The following KLF12 variants were observed in gnomAD, a reference collection of about 807,000 sequenced individuals.
KLF12 encodes KLF transcription factor 12, also known as Krueppel-like factor 12.
KLF12 carries 9 observed loss-of-function variants against 37.8 expected under a neutral mutation model. That is an observed-to-expected ratio of 0.24 (90% CI 0.14 to 0.42). The LOEUF (loss-of-function observed/expected upper bound fraction) is 0.42. Ranked by LOEUF, KLF12 falls within the 10% of genes least tolerant of loss-of-function variation. KLF12 has a pLI of 1.00. For missense variants in KLF12, 411 were observed against 516.0 expected (o/e 0.80, Z 1.97); for synonymous variants, 208 against 202.1 (o/e 1.03, Z -0.25).
intron 7 of KLF12, among the ~76,000 whole-genome samples, chr13:73,710,482 G>A (rs928756385): frequency 4.6e-5 from 6 of 129,594 alleles, no homozygotes; most frequent in Non-Finnish European, 8.2e-5. Context: ...ATTTTCCCAA[G>A]AGCATGTGCT....
intron 1 of KLF12, among the ~76,000 whole-genome samples, chr13:74,039,409 C>G (rs961928462): frequency 6.6e-6 from 1 of 151,536 alleles, no homozygotes; most frequent in Non-Finnish European, 1.5e-5. Flanking sequence ...GGCATATGCC[C>G]GTAGTCCCAG....
intron 2 of KLF12, among the ~76,000 whole-genome samples, chr13:73,947,417 G>A (rs1390152566): frequency 6.6e-6 from 1 of 152,120 alleles, no homozygotes; most frequent in East Asian, 1.9e-4. Context: ...TTGGGAGGCT[G>A]AGGTGGGCAG....
the KLF12 span, among the ~76,000 whole-genome samples, chr13:74,243,608 C>T: frequency 2.0e-5 from 3 of 152,174 alleles, no homozygotes; most frequent in African/African-American, 7.2e-5. Flanking sequence ...ACATCCTCTC[C>T]AGCATCTGTT....
chr13:74,124,675 T>A (rs759792092), intron 1 of KLF12, among the ~76,000 whole-genome samples: 1 of 152,056 alleles, frequency 6.6e-6, no homozygotes, highest in South Asian at 2.1e-4. Flanking sequence ...GCCAAGCATA[T>A]CCTAGAATCT....
rs569031900 is a variant in KLF12, at chr13:73,964,583, C to T, written c.34-20513G>A. Among the ~76,000 whole-genome samples, 3 of 139,820 alleles carry T rather than the reference C, an allele frequency of 2.1e-5. No individual in the cohort carries two copies. In the South Asian group the frequency reaches 7.1e-4, roughly 33 times the overall value. 91.7% of individuals were successfully genotyped at this position (139,820 alleles called of 152,430 possible). A position where few individuals can be genotyped will look rare whatever the true frequency, so the allele number is the denominator to read the frequency against. On this transcript the variant is annotated intron_variant, in intron 2 of 7. Transcript: ENST00000377669. ...AGGAGATCAAGACCATCCTGGCTAA[C>T]ATGGTGAAACTCCGTCTCTACTTAA...
intron 5 of KLF12, among the ~76,000 whole-genome samples, chr13:73,784,026 T>A (rs1189235091): frequency 6.6e-6 from 1 of 152,168 alleles, no homozygotes; most frequent in African/African-American, 2.4e-5. Context: ...CAAATTGTGT[T>A]TATTTCTGAT....
chr13:73,740,776 C>T (rs555062205), intron 6 of KLF12, among the ~76,000 whole-genome samples: 52 of 152,114 alleles, frequency 3.4e-4, no homozygotes, highest in Admixed American at 7.2e-4. Flanking sequence ...AGGAGTCCTG[C>T]GGGGAAAGCA....
the KLF12 span, among the ~76,000 whole-genome samples, chr13:74,280,926 T>A: frequency 7.2e-6 from 1 of 139,508 alleles, no homozygotes; most frequent in South Asian, 2.3e-4. Flanking sequence ...GGAACCACAA[T>A]CAGATAGCCA....
At chr13:73,913,314 T>A (rs1163607296) in intron 3 of KLF12, among the ~76,000 whole-genome samples, 3 of 152,156 alleles carry the variant, frequency 2.0e-5, no homozygotes, top group African/African-American at 7.2e-5. Flanking sequence ...TTGGAGAAAA[T>A]CCTTCCACAT....
chr13:74,040,510 G>A (rs1022068906), intron 1 of KLF12, among the ~76,000 whole-genome samples: 7 of 152,110 alleles, frequency 4.6e-5, no homozygotes, highest in Admixed American at 6.5e-5. Flanking sequence ...TTTCAGGAAT[G>A]AAAAAGACTT....
At chr13:73,821,705 A>G (rs1377073265) in intron 4 of KLF12, among the ~76,000 whole-genome samples, 1 of 152,152 alleles carries the variant, frequency 6.6e-6, no homozygotes, top group Non-Finnish European at 1.5e-5. Flanking sequence ...AATATGGTTC[A>G]GCAGCCCTCC....
chr13:74,153,340 A>G, the KLF12 span, among the ~76,000 whole-genome samples: 145,837 of 152,250 alleles, frequency 0.96, 70,149 homozygotes, highest in East Asian at 1. Context: ...GGGTGAGAAA[A>G]GATGTCAAGG....
chr13:73,800,659 G>A (rs1882236033), intron 5 of KLF12: 1 of 151,808 alleles, frequency 6.6e-6, no homozygotes, highest in Non-Finnish European at 1.5e-5. Context: ...TAAAAATTAG[G>A]TTGACAAAAT....
At chr13:74,190,975 T>C in the KLF12 span, among the ~76,000 whole-genome samples, 2 of 152,206 alleles carry the variant, frequency 1.3e-5, no homozygotes, top group Non-Finnish European at 2.9e-5. Context: ...GGACCTGCAG[T>C]TACTCTGCCA....
intron 6 of KLF12, among the ~76,000 whole-genome samples, chr13:73,750,054 G>T (rs753919459): frequency 6.6e-6 from 1 of 152,160 alleles, no homozygotes. Context: ...TGAAATTCAG[G>T]TCAGTAGTCA....
chr13:73,697,692 T>G (rs1874248147), intron 7 of KLF12, among the ~76,000 whole-genome samples: 1 of 152,192 alleles, frequency 6.6e-6, no homozygotes, highest in Non-Finnish European at 1.5e-5. Context: ...AGTTGGATGT[T>G]GGTCACCGAG....
At chr13:73,755,295 CTA>C (rs1234982116) in intron 6 of KLF12, among the ~76,000 whole-genome samples, 2 of 152,040 alleles carry the variant, frequency 1.3e-5, no homozygotes, top group African/African-American at 4.8e-5. Flanking sequence ...CAATTTAATC[CTA>C]TGATATATCC....
intron 1 of KLF12, among the ~76,000 whole-genome samples, chr13:74,001,786 A>G (rs1892287834): frequency 6.6e-6 from 1 of 152,252 alleles, no homozygotes. Flanking sequence ...TGGTGAAAAC[A>G]TTCCATCAAA....
At chr13:73,915,689 ATTTTTT>A (rs140697314) in intron 3 of KLF12, among the ~76,000 whole-genome samples, 1 of 99,150 alleles carries the variant, frequency 1.0e-5, no homozygotes, top group African/African-American at 3.9e-5. Context: ...ATTTTTTTGT[ATTTTTT>A]TTTTTTTTTT....
Sources: gnomAD v4.1 joint callset for allele counts (sites outside exome capture counted in the v4.1 genomes callset) on GRCh38, gnomAD v4.1.1 for gene constraint, MANE v1.5 for transcripts, NCBI Gene and HGNC (gene_info 2026-07-23, HGNC 2026-07-21) for gene names.